ZCCHC7: variants seen among roughly 807,000 people sequenced by gnomAD.
The protein encoded by ZCCHC7 is zinc finger CCHC-type containing 7.
In ZCCHC7, 35 loss-of-function variants were observed where a neutral mutation model predicts 52.0. That is an observed-to-expected ratio of 0.67 (90% CI 0.51 to 0.89). ZCCHC7 has a LOEUF of 0.89. Ranked by LOEUF, ZCCHC7 falls within the 40% of genes least tolerant of loss-of-function variation. The probability of loss-of-function intolerance (pLI) is 0.00; values close to 1 mark genes in which losing one functional copy is unlikely to be tolerated. For synonymous variants in ZCCHC7, 217 were observed against 221.5 expected, an observed-to-expected ratio of 0.98 and a Z score of 0.18; for missense variants, 574 against 649.1, an observed-to-expected ratio of 0.88 and a Z score of 1.26.
At chr9:37,151,210 C>T (rs1321884862) in intron 2 of ZCCHC7, among the ~76,000 whole-genome samples, 1 of 152,014 alleles carries the variant, frequency 6.6e-6, no homozygotes, top group Admixed American at 6.5e-5. Flanking sequence ...TCGTGATCCA[C>T]CCGCCTCGGC....
At chr9:37,285,023 A>G (rs879158941) in intron 2 of ZCCHC7, among the ~76,000 whole-genome samples, 1 of 152,042 alleles carries the variant, frequency 6.6e-6, no homozygotes, top group African/African-American at 2.4e-5. Flanking sequence ...TAAGTGTTTC[A>G]TTCTTTCTAG....
chr9:37,318,457 A>T (rs983536956), intron 5 of ZCCHC7, among the ~76,000 whole-genome samples: 5 of 151,776 alleles, frequency 3.3e-5, no homozygotes, highest in African/African-American at 1.2e-4. Flanking sequence ...ACGAAACTCC[A>T]TCTCAAAAAA....
chr9:37,349,528 A>C (rs1239503293), intron 7 of ZCCHC7, 76 bp downstream of exon 7: 12 of 1,362,376 alleles, frequency 8.8e-6, no homozygotes, highest in Non-Finnish European at 1.2e-5. Flanking sequence ...CTCAAAAAGA[A>C]TGTAACTCTA....
At chr9:37,224,298 A>G (rs137940762) in intron 2 of ZCCHC7, among the ~76,000 whole-genome samples, 1 of 152,166 alleles carries the variant, frequency 6.6e-6, no homozygotes, top group Non-Finnish European at 1.5e-5. Flanking sequence ...CTTAAAGTGT[A>G]CAATTTTTTA....
At chr9:37,234,144 C>T (rs903455207) in intron 2 of ZCCHC7, among the ~76,000 whole-genome samples, 5 of 152,218 alleles carry the variant, frequency 3.3e-5, no homozygotes, top group African/African-American at 1.2e-4. Context: ...GCTAGAATTA[C>T]AGGCATCAGC....
chr9:37,141,829 A>G (rs1009263119), intron 2 of ZCCHC7, among the ~76,000 whole-genome samples: 9 of 151,806 alleles, frequency 5.9e-5, no homozygotes, highest in Non-Finnish European at 1.2e-4. Context: ...CCAGATCTTA[A>G]GAGTTTGCTT....
At chr9:37,314,772 A>G (rs1829740796) in intron 5 of ZCCHC7, among the ~76,000 whole-genome samples, 1 of 150,516 alleles carries the variant, frequency 6.6e-6, no homozygotes, top group Non-Finnish European at 1.5e-5. Context: ...AAAAAAAAGT[A>G]TACATTCCAG....
chr9:37,126,650 G>A lies in ZCCHC7; in HGVS notation c.318G>A (p.Lys106=). 6.2e-7 allele frequency: 1 copy of A among 1,614,154 alleles called. No homozygotes were observed. Among genetic ancestry groups the A allele is most frequent in the Non-Finnish European group, 8.5e-7 (1 of 1,180,022 alleles). The change falls in exon 2 of 9, where the codon AAG becomes AAA. Residue 106 remains lysine (K), a synonymous_variant. Transcript: ENST00000336755. ...ACAGTATTTATAGATGTAAAGGAAA[G>A]AATGTTAGAGTTCAAGCACAAGAAA... ...DEDSIYRCKG[K]NVRVQAQENA...
At chr9:37,130,333 CCTTT>C (rs1425363194) in intron 2 of ZCCHC7, among the ~76,000 whole-genome samples, 92 of 112,920 alleles carry the variant, frequency 8.1e-4, no homozygotes, top group African/African-American at 2.9e-3. Context: ...GGAATTCTCT[CCTTT>C]TTTTTTTTTT....
chr9:37,130,355 T>TA, intron 2 of ZCCHC7, among the ~76,000 whole-genome samples: 1 of 140,950 alleles, frequency 7.1e-6, no homozygotes, highest in African/African-American at 2.6e-5. Flanking sequence ...TTTTTTTTTT[T>TA]TTTTTTTTTA....
intron 2 of ZCCHC7, among the ~76,000 whole-genome samples, chr9:37,154,518 C>T (rs1820704365): frequency 6.6e-6 from 1 of 152,038 alleles, no homozygotes; most frequent in South Asian, 2.1e-4. Flanking sequence ...AGTGTCACTT[C>T]GTCACCTAGG....
chr9:37,134,212 A>G (rs1052200534), intron 2 of ZCCHC7, among the ~76,000 whole-genome samples: 1 of 151,978 alleles, frequency 6.6e-6, no homozygotes, highest in Non-Finnish European at 1.5e-5. Flanking sequence ...GTTAAACTTA[A>G]GTATCCTTTA....
At chr9:37,208,970 A>T (rs1369724528) in intron 2 of ZCCHC7, among the ~76,000 whole-genome samples, 1 of 152,152 alleles carries the variant, frequency 6.6e-6, no homozygotes, top group South Asian at 2.1e-4. Flanking sequence ...ACTTCTTTTT[A>T]AAAAATTTTA....
chr9:37,123,302 C>T (rs920681210), intron 1 of ZCCHC7, among the ~76,000 whole-genome samples: 1 of 151,754 alleles, frequency 6.6e-6, no homozygotes, highest in South Asian at 2.1e-4. Context: ...TTCATTTGAA[C>T]GTAATTAAAG....
At chr9:37,264,393 T>G (rs2133460511) in intron 2 of ZCCHC7, among the ~76,000 whole-genome samples, 1 of 152,302 alleles carries the variant, frequency 6.6e-6, no homozygotes, top group African/African-American at 2.4e-5. Context: ...TTGATTTTTC[T>G]TCTCATAATC....
At chr9:37,168,137 CTGTT>C (rs1394728992) in intron 2 of ZCCHC7, among the ~76,000 whole-genome samples, 2 of 152,158 alleles carry the variant, frequency 1.3e-5, no homozygotes, top group African/African-American at 4.8e-5. Flanking sequence ...TTCTTGCTGT[CTGTT>C]CTGGGGCCTG....
intron 2 of ZCCHC7, among the ~76,000 whole-genome samples, chr9:37,251,740 G>A (rs1303641342): frequency 6.6e-6 from 1 of 152,180 alleles, no homozygotes; most frequent in African/African-American, 2.4e-5. Context: ...TAAGTGAAGA[G>A]AAAGCTGCCC....
intron 2 of ZCCHC7, among the ~76,000 whole-genome samples, chr9:37,148,058 T>C (rs944066622): frequency 6.6e-6 from 1 of 152,122 alleles, no homozygotes; most frequent in Admixed American, 6.6e-5. Context: ...GTATTATTGT[T>C]GTTTTAACTT....
intron 2 of ZCCHC7, among the ~76,000 whole-genome samples, chr9:37,277,691 T>A (rs1827747317): frequency 6.6e-6 from 1 of 152,088 alleles, no homozygotes; most frequent in Non-Finnish European, 1.5e-5. Flanking sequence ...TCTTACTGAT[T>A]TGGGGAATCA....
Sources: gnomAD v4.1 joint callset for allele counts (sites outside exome capture counted in the v4.1 genomes callset) on GRCh38, gnomAD v4.1.1 for gene constraint, MANE v1.5 for transcripts, NCBI Gene and HGNC (gene_info 2026-07-23, HGNC 2026-07-21) for gene names.